Variants in CACNG7 observed in about 807,000 individuals in gnomAD.
The protein encoded by CACNG7 is calcium voltage-gated channel auxiliary subunit gamma 7.
A neutral mutation model predicts 26.3 loss-of-function variants in CACNG7; 9 were observed. The observed-to-expected ratio is 0.34, with a 90% CI of 0.21 to 0.60. The LOEUF (loss-of-function observed/expected upper bound fraction) is 0.60, where lower values mean the gene tolerates loss of function less well. Ranked by LOEUF, CACNG7 falls within the 20% of genes least tolerant of loss-of-function variation. The probability of loss-of-function intolerance (pLI) is 0.81; values close to 1 mark genes in which losing one functional copy is unlikely to be tolerated. For missense variants in CACNG7, 297 were observed against 380.4 expected (o/e 0.78, Z 1.82); for synonymous variants, 170 against 157.0 (o/e 1.08, Z -0.62).
rs2069099565 is a variant in CACNG7, at chr19:53,935,620, C to CG, written c.425-5850_425-5849insG. ...TTATAGGCGTGAGCCACCGCCCCCACCCTCCAATACTGTCTTTTTTTTTTT... is the reference window on the plus strand; with the variant it reads ...TTATAGGCGTGAGCCACCGCCCCCACGCCTCCAATACTGTCTTTTTTTTTTT... On this transcript the variant is annotated intron_variant, in intron 4 of 5. Transcript: ENST00000391767. Among the ~76,000 whole-genome samples, 3 of 146,200 alleles carry CG rather than the reference C, an allele frequency of 2.1e-5. No homozygotes were observed. The South Asian group carries it at 6.7e-4, about 33-fold the overall frequency.
At chr19:53,916,487 C>CTTTTTT (rs397706471) in intron 4 of CACNG7, among the ~76,000 whole-genome samples, 1 of 95,466 alleles carries the variant, frequency 1.0e-5, no homozygotes. Flanking sequence ...TTCTTTCTTT[C>CTTTTTT]TTTTTTTTTT....
intron 4 of CACNG7, among the ~76,000 whole-genome samples, chr19:53,936,432 G>A (rs928115859): frequency 7.9e-5 from 12 of 152,104 alleles, no homozygotes; most frequent in African/African-American, 2.9e-4. Context: ...GCATCCCCTC[G>A]TGACTCTTGC....
In CACNG7 at chr19:53,940,008, G is replaced by A. The variant is rs1473711015; in HGVS notation, c.425-1462G>A. ...CATGGACCATGGTTTGCCGACCACC[G>A]GTGTAGACAGTGGAAGGAATTTGGG... On this transcript the variant is annotated intron_variant, in intron 4 of 5. Coordinates refer to ENST00000391767, the MANE Select transcript of CACNG7 (RefSeq NM_031896.5). The surrounding 1 kb of genome is among the most constrained non-coding windows in gnomAD (Gnocchi z 4.1). Among the ~76,000 whole-genome samples, 2 of 152,116 alleles carry A rather than the reference G, an allele frequency of 1.3e-5. No homozygotes were observed. Among genetic ancestry groups the A allele is most frequent in the Non-Finnish European group, 2.9e-5 (2 of 68,032 alleles).
rs112535728 is a variant in CACNG7 at position 53,917,252 on chromosome 19, A to G, written c.424+1747A>G. 1.2e-4 allele frequency among the ~76,000 whole-genome samples: 18 copies of G among 152,288 alleles called. 1 individual carries two copies. Among genetic ancestry groups the G allele is most frequent in the African/African-American group, 4.3e-4 (18 of 41,562 alleles). On this transcript the variant is annotated intron_variant, in intron 4 of 5. Transcript: ENST00000391767. ...GCTAACCCCAATTCATTCTGACTCA[A>G]TTCTTCAGTTCATTTCAAATGAATT...
intron 4 of CACNG7, among the ~76,000 whole-genome samples, chr19:53,935,203 C>A (rs575756674): frequency 6.6e-6 from 1 of 152,066 alleles, no homozygotes; most frequent in Non-Finnish European, 1.5e-5. Context: ...TTCCTAAGAA[C>A]AAGGGCATTC....
intron 4 of CACNG7, among the ~76,000 whole-genome samples, chr19:53,923,273 G>C (rs2068981160): frequency 1.0e-5 from 1 of 96,508 alleles, no homozygotes; most frequent in Admixed American, 8.8e-5. Flanking sequence ...GGTCATTGGT[G>C]CAGTTGCCCC....
Position 53,942,377 on chromosome 19 carries a change from C to T in CACNG7, c.*84C>T, listed in dbSNP as rs529533747. ...CTGCAATGCAGCGCCCCCTTCCGTC[C>T]TCGGGACTCCTCGCTCCCACCCGGA... is the stretch of plus-strand genomic sequence containing the variant. On this transcript the variant is annotated 3_prime_UTR_variant, in exon 6 of 6. Transcript: ENST00000391767. This position sits in a 1 kb window ranked among gnomAD's most constrained non-coding sequence, Gnocchi z 5.9. 2.0e-6 allele frequency: 3 copies of T among 1,529,088 alleles called. No individual in the cohort carries two copies. The highest frequency in any genetic ancestry group is 1.9e-5 in the Admixed American group (1 of 53,748). 94.7% of individuals were successfully genotyped at this position (1,529,088 alleles called of 1,614,324 possible).
intron 4 of CACNG7, among the ~76,000 whole-genome samples, chr19:53,923,690 CCTGGTCATTGGTGGAGTTGTCCCAGGT>C (rs1568776589): frequency 9.1e-5 from 5 of 55,226 alleles, no homozygotes; most frequent in African/African-American, 4.0e-4. Context: ...TTGTCCCAGG[CCTGGTCATTGGTGGAGTTGTCCCAGGT>C]CTGGTCATTG....
rs982916112 is a variant in CACNG7, at chr19:53,943,258, CA to C, written c.*966del. On this transcript the variant is annotated 3_prime_UTR_variant, in exon 6 of 6. Coordinates refer to ENST00000391767, the MANE Select transcript of CACNG7 (RefSeq NM_031896.5). Reference sequence around the variant, plus strand: ...AGGGAGGGGCAGTAGCGGGGGTCGACACCCCCCCCAAACCTCTAAGTCTTCC... The same window carrying C: ...AGGGAGGGGCAGTAGCGGGGGTCGACCCCCCCCCAAACCTCTAAGTCTTCC... 6.6e-5 allele frequency: 10 copies of C among 152,078 alleles called. No homozygotes were observed. Among genetic ancestry groups the C allele is most frequent in the African/African-American group, 2.4e-4 (10 of 41,502 alleles). 9.4% of individuals were successfully genotyped at this position (152,078 alleles called of 1,614,324 possible).
Position 53,912,514 on chromosome 19 carries a change from G to A in CACNG7, c.-29-289G>A, listed in dbSNP as rs1442095080. ...AGCCAAGATTCAATCTCTGGGCCTG[G>A]GCTGAAAGTTGTGATTAGAAATCTA... is the stretch of plus-strand genomic sequence containing the variant. On this transcript the variant is annotated intron_variant, in intron 1 of 5. Transcript: ENST00000391767. This position sits in a 1 kb window ranked among gnomAD's most constrained non-coding sequence, Gnocchi z 4.6. Among the ~76,000 whole-genome samples the A allele has an allele frequency of 1.3e-4, 20 of 152,144 alleles. 1 individual carries two copies. The highest frequency in any genetic ancestry group is 2.9e-4 in the Non-Finnish European group (20 of 68,034).
chr19:53,915,146 C>A (rs937232895), intron 3 of CACNG7, among the ~76,000 whole-genome samples: 2 of 151,794 alleles, frequency 1.3e-5, no homozygotes, highest in Non-Finnish European at 2.9e-5. Flanking sequence ...GGAGTTAAGC[C>A]CAAGGAGGTG....
chr19:53,913,555 G>A (rs540607522), intron 2 of CACNG7, among the ~76,000 whole-genome samples: 1 of 152,068 alleles, frequency 6.6e-6, no homozygotes, highest in Admixed American at 6.5e-5. Flanking sequence ...ACGGGAGGTG[G>A]AGGTTGCAGT....
intron 4 of CACNG7, among the ~76,000 whole-genome samples, chr19:53,933,576 A>G (rs2069087321): frequency 6.6e-6 from 1 of 151,858 alleles, no homozygotes; most frequent in Non-Finnish European, 1.5e-5. Context: ...TGCTGAGATT[A>G]CAGGTGTGAG....
chr19:53,929,637 A>G (rs1230623330), intron 4 of CACNG7, among the ~76,000 whole-genome samples: 3 of 151,894 alleles, frequency 2.0e-5, no homozygotes, highest in Non-Finnish European at 4.4e-5. Context: ...TTGTATTTTT[A>G]GTAGACAGAG....
chr19:53,914,448 T>G, intron 2 of CACNG7, 52 bp from the exon 3 acceptor site: 1 of 1,537,096 alleles, frequency 6.5e-7, no homozygotes, highest in Non-Finnish European at 9.0e-7. Context: ...CCCCAGCCTC[T>G]CTAGAGCTTA....
chr19:53,928,599 A>T (rs1206845444), intron 4 of CACNG7, among the ~76,000 whole-genome samples: 1 of 151,886 alleles, frequency 6.6e-6, no homozygotes, highest in Non-Finnish European at 1.5e-5. Flanking sequence ...TAGAGCTGTA[A>T]TGTGAAACTT....
At position 53,931,710 on chromosome 19, in the gene CACNG7, A is replaced by G. The variant is rs538021579; in HGVS notation, c.425-9760A>G. Among the ~76,000 whole-genome samples, 304 of 146,172 alleles carry G rather than the reference A, an allele frequency of 2.1e-3. 3 individuals are homozygous for G. Among genetic ancestry groups the G allele is most frequent in the African/African-American group, 7.2e-3 (288 of 39,982 alleles). ...TAAAAAAAAAAAAAAAAAAAAAAAGAAAGGAAAAAAAGCCTAATTCCACTA... is the reference window on the plus strand; with the variant it reads ...TAAAAAAAAAAAAAAAAAAAAAAAGGAAGGAAAAAAAGCCTAATTCCACTA... On this transcript the variant is annotated intron_variant, in intron 4 of 5. Coordinates refer to ENST00000391767, the MANE Select transcript of CACNG7 (RefSeq NM_031896.5).
At chr19:53,915,013 A>T (rs113680233) in intron 3 of CACNG7, among the ~76,000 whole-genome samples, 2,934 of 148,872 alleles carry the variant, frequency 0.02, 142 homozygotes, top group African/African-American at 0.067. Flanking sequence ...CTCAAAAAAA[A>T]AAATAAATAA....
chr19:53,921,612 G>C (rs1253185318), intron 4 of CACNG7, among the ~76,000 whole-genome samples: 2 of 87,756 alleles, frequency 2.3e-5, no homozygotes, highest in Non-Finnish European at 2.0e-5. Flanking sequence ...GTCGTCCCCA[G>C]GTCTGGTCAT....
Sources: allele counts gnomAD v4.1 joint callset (sites outside exome capture counted in the v4.1 genomes callset), GRCh38; gene constraint gnomAD v4.1.1; non-coding constraint Gnocchi (gnomAD v3.1); transcripts MANE v1.5; gene names NCBI Gene and HGNC (gene_info 2026-07-23, HGNC 2026-07-21).